RBM22: variants seen among roughly 807,000 people sequenced by gnomAD.
The protein encoded by RBM22 is pre-mRNA-splicing factor RBM22.
Under a neutral mutation model 50.1 loss-of-function variants are expected in RBM22, and 1 was observed. The ratio of observed to expected loss-of-function variants is 0.02; its 90% CI spans 0.01 to 0.09. The LOEUF is 0.09. Ranked by LOEUF, RBM22 falls within the 10% of genes least tolerant of loss-of-function variation. RBM22 has a pLI of 1.00. For missense variants in RBM22, 264 were observed against 529.3 expected (o/e 0.50, Z 4.92); for synonymous variants, 152 against 179.0 (o/e 0.85, Z 1.20).
intron 6 of RBM22, 79 bp from the exon 7 acceptor site, chr5:150,695,785 T>C (rs1759268712): frequency 1.6e-6 from 2 of 1,219,004 alleles, no homozygotes; most frequent in South Asian, 2.7e-5. Context: ...TAGCTACATA[T>C]TAAAGTCCTA....
Position 150,698,539 on chromosome 5 carries a change from C to T in RBM22, c.231G>A (p.Leu77=). 1.2e-6 allele frequency: 2 copies of T among 1,614,140 alleles called. No individual in the cohort carries two copies. The highest frequency in any genetic ancestry group is 1.7e-6 in the Non-Finnish European group (2 of 1,180,022). ...AGAGGCAGGTCTGACAGACATTCTT[C>T]AATTTACTGCAGGTTTGGCACACTT... ...KTEVCQTCSK[L]KNVCQTCLLD... is the part of the protein sequence containing the mutation. Residue 77 remains leucine (L), a synonymous_variant, in exon 4 of 11, where the codon TTG becomes TTA. Coordinates refer to ENST00000199814, the MANE Select transcript of RBM22 (RefSeq NM_018047.3).
intron 7 of RBM22, 141 bp from the exon 8 acceptor site, chr5:150,694,381 C>T (rs1365021702): frequency 1.5e-6 from 2 of 1,325,176 alleles, no homozygotes; most frequent in East Asian, 2.7e-5. Flanking sequence ...CGCAGGTCTC[C>T]ACCCCATATC....
chr5:150,700,882 G>T (rs1393231331), intron 1 of RBM22, 50 bp downstream of exon 1: 1 of 1,614,158 alleles, frequency 6.2e-7, no homozygotes, highest in Non-Finnish European at 8.5e-7. Flanking sequence ...AGCTTGCAAG[G>T]TGCGCGGCTT....
rs531424811 is a variant in RBM22 at position 150,693,213 on chromosome 5, A to C, written c.1000+6T>G. The C allele has an allele frequency of 6.2e-7, 1 of 1,610,452 alleles. No individual in the cohort carries two copies. The highest frequency in any genetic ancestry group is 1.1e-5 in the South Asian group (1 of 90,972). ...CTTCTGAAGTCAGCAGGGAGTCTGC[A>C]CTCACCTCCTGGCAATCCTGGAACA... On this transcript the variant is annotated splice_donor_region_variant and intron_variant, in intron 9 of 10. Transcript: ENST00000199814.
At chr5:150,699,130 G>C in intron 3 of RBM22, 112 bp downstream of exon 3, 4 of 1,407,878 alleles carry the variant, frequency 2.8e-6, no homozygotes, top group Non-Finnish European at 3.8e-6. Context: ...ATAAAAAGTT[G>C]TATAGCACTG....
chr5:150,693,056 A>G, intron 9 of RBM22, 30 bp from the exon 10 acceptor site: 1 of 1,588,874 alleles, frequency 6.3e-7, no homozygotes, highest in East Asian at 2.2e-5. Context: ...CAACACATAG[A>G]GGGGAGAACA....
intron 4 of RBM22, among the ~76,000 whole-genome samples, 171 bp from the exon 5 acceptor site, chr5:150,697,062 C>T (rs1759285416): frequency 6.6e-6 from 1 of 152,194 alleles, no homozygotes; most frequent in South Asian, 2.1e-4. Context: ...TTCTGCTACA[C>T]AGCATGCTAA....
rs1581546968 is a variant in RBM22 at position 150,696,143 on chromosome 5, C to T, written c.545+390G>A. 3.3e-5 allele frequency among the ~76,000 whole-genome samples: 5 copies of T among 151,528 alleles called. No homozygotes were observed. The highest frequency in any genetic ancestry group is 2.6e-4 in the Admixed American group (4 of 15,160). On this transcript the variant is annotated intron_variant, in intron 6 of 10. Coordinates refer to ENST00000199814, the MANE Select transcript of RBM22 (RefSeq NM_018047.3). This position sits in a 1 kb window ranked among gnomAD's most constrained non-coding sequence, Gnocchi z 4.3. ...TTTTTAGGGGGTGGGGTTAACCAAT[C>T]CCAAATTAAGAACTCCTAATCCAGA...
intron 2 of RBM22, among the ~76,000 whole-genome samples, chr5:150,699,811 G>A (rs955067912): frequency 1.3e-5 from 2 of 152,158 alleles, no homozygotes; most frequent in African/African-American, 2.4e-5. Flanking sequence ...TAGTCAAAAG[G>A]TAGCTACTGT....
At position 150,691,612 on chromosome 5, in the gene RBM22, T is replaced by C; in HGVS notation, c.*139A>G. 2 of 1,018,800 alleles carry C rather than the reference T, an allele frequency of 2.0e-6. No homozygotes were observed. Among genetic ancestry groups the C allele is most frequent in the Non-Finnish European group, 2.7e-6 (2 of 752,232 alleles). The allele number at this position is 1,018,800 out of a possible 1,614,324, so 63.1% of individuals were successfully genotyped here. ...GAACAAGTATAGGAAAGCATGGCTG[T>C]CAGTCTCTGACTGCTCACATCTGAG... On this transcript the variant is annotated 3_prime_UTR_variant, in exon 11 of 11. Coordinates refer to ENST00000199814, the MANE Select transcript of RBM22 (RefSeq NM_018047.3).
Position 150,696,773 on chromosome 5 carries a change from C to G in RBM22, c.372+18G>C. On this transcript the variant is annotated intron_variant, in intron 5 of 10. Coordinates refer to ENST00000199814, the MANE Select transcript of RBM22 (RefSeq NM_018047.3). This position sits in a 1 kb window ranked among gnomAD's most constrained non-coding sequence, Gnocchi z 4.3. Reference sequence around the variant, plus strand: ...GTGTCAATTCATTAGGATTTTTATCCAAAAAGTGGCAGCATACCTCTCTCT... The same window carrying G: ...GTGTCAATTCATTAGGATTTTTATCGAAAAAGTGGCAGCATACCTCTCTCT... 6.2e-7 allele frequency: 1 copy of G among 1,613,300 alleles called. No individual in the cohort carries two copies. The highest frequency in any genetic ancestry group is 1.1e-5 in the South Asian group (1 of 90,990).
chr5:150,698,456 G>A, intron 4 of RBM22, 43 bp downstream of exon 4: 1 of 1,597,902 alleles, frequency 6.3e-7, no homozygotes, highest in Non-Finnish European at 8.6e-7. Context: ...TGTAGTTTTA[G>A]GCACCTGCAC....
chr5:150,691,832 C>A lies in RBM22; in HGVS notation c.1182G>T (p.Met394Ile). The change falls in exon 11 of 11, where the codon ATG (methionine) becomes ATT (isoleucine). Residue 394 changes from methionine (M) to isoleucine (I), a missense_variant. Met to Ile is a conservative substitution (Grantham distance 10). This residue lies in a region of RBM22 where 106 missense variants were observed against 137.1 expected (regional missense o/e 0.77). Coordinates refer to ENST00000199814, the MANE Select transcript of RBM22 (RefSeq NM_018047.3). ...GATAGTGGATTGGTCCTGGAGCCCG[C>A]ATGAAAGGAGGGGGTGGTCCCATTG... ...FHPMGPPPPFMRAPGPIHYPS... is the reference protein window; with the variant it reads ...FHPMGPPPPFIRAPGPIHYPS... 3 of 1,600,858 alleles carry A rather than the reference C, an allele frequency of 1.9e-6. No homozygotes were observed. Among genetic ancestry groups the A allele is most frequent in the Non-Finnish European group, 2.6e-6 (3 of 1,173,672 alleles).
intron 4 of RBM22, among the ~76,000 whole-genome samples, chr5:150,698,123 A>AAAAAT (rs1759300883): frequency 6.6e-6 from 1 of 152,196 alleles, no homozygotes; most frequent in African/African-American, 2.4e-5. Flanking sequence ...CCCTAACTCA[A>AAAAAT]AAAATAAAAT....
rs1431691117 is a variant in RBM22 at position 150,690,812 on chromosome 5, ATTAT to A, written c.*935_*938del. Reference sequence around the variant, plus strand: ...ACATGTGAAAAATTGACCCGTTTTAATTATTTAAAAACAAAAAACACATCAAATT... The same window carrying A: ...ACATGTGAAAAATTGACCCGTTTTAATTAAAAACAAAAAACACATCAAATT... On this transcript the variant is annotated 3_prime_UTR_variant, in exon 11 of 11. Transcript: ENST00000199814. 6.6e-6 allele frequency: 1 copy of A among 152,354 alleles called. No individual in the cohort carries two copies. The highest frequency in any genetic ancestry group is 1.9e-4 in the East Asian group (1 of 5,342). The allele number at this position is 152,354 out of a possible 1,614,324, so 9.4% of individuals were successfully genotyped here. A position where few individuals can be genotyped will look rare whatever the true frequency, so the allele number is the denominator to read the frequency against.
chr5:150,696,413 A>G lies in RBM22; in HGVS notation c.545+120T>C, dbSNP rs1759276874. On this transcript the variant is annotated intron_variant, in intron 6 of 10. Coordinates refer to ENST00000199814, the MANE Select transcript of RBM22 (RefSeq NM_018047.3). The surrounding 1 kb of genome is among the most constrained non-coding windows in gnomAD (Gnocchi z 4.3). ...ATTTCATAGTTCTAAGACATGAGGT[A>G]TACCACATTAGTTGTATGACCTTTA... 2.7e-6 allele frequency: 3 copies of G among 1,097,036 alleles called. No individual in the cohort carries two copies. In the East Asian group the frequency reaches 7.1e-5, roughly 26 times the overall value. 68.0% of individuals were successfully genotyped at this position (1,097,036 alleles called of 1,614,324 possible). A position where few individuals can be genotyped will look rare whatever the true frequency, so the allele number is the denominator to read the frequency against.
At chr5:150,693,574 G>A (rs963278982) in intron 8 of RBM22, among the ~76,000 whole-genome samples, 4 of 152,214 alleles carry the variant, frequency 2.6e-5, no homozygotes, top group Non-Finnish European at 4.4e-5. Context: ...CATAGGGAGC[G>A]CTCCACAAAG....
chr5:150,693,051 C>A, intron 9 of RBM22, 25 bp from the exon 10 acceptor site: 1 of 1,592,614 alleles, frequency 6.3e-7, no homozygotes. Context: ...ATAGTCAACA[C>A]ATAGAGGGGA....
At chr5:150,700,423 G>C in intron 2 of RBM22, 21 bp downstream of exon 2, 1 of 1,597,146 alleles carries the variant, frequency 6.3e-7, no homozygotes, top group Non-Finnish European at 8.6e-7. Context: ...TGAATAACTC[G>C]TTTCACACGC....
Sources: gnomAD v4.1 joint callset for allele counts (sites outside exome capture counted in the v4.1 genomes callset) on GRCh38, gnomAD v4.1.1 for gene constraint, gnomAD v4.1.1 regional missense constraint, Gnocchi (gnomAD v3.1) non-coding constraint, MANE v1.5 for transcripts, NCBI Gene and HGNC (gene_info 2026-07-23, HGNC 2026-07-21) for gene names.